DOT1L: variants seen among roughly 807,000 people sequenced by gnomAD.
DOT1L encodes the protein histone-lysine N-methyltransferase, H3 lysine-79 specific.
A neutral mutation model predicts 153.3 loss-of-function variants in DOT1L; 33 were observed. The ratio of observed to expected loss-of-function variants is 0.22; its 90% CI spans 0.16 to 0.29. DOT1L has a LOEUF of 0.29. Ranked by LOEUF, DOT1L falls within the 10% of genes least tolerant of loss-of-function variation. The pLI, the probability that DOT1L is intolerant of heterozygous loss-of-function variation, is 1.00. For synonymous variants in DOT1L, 1,135 were observed against 965.1 expected, an observed-to-expected ratio of 1.18 and a Z score of -3.26; for missense variants, 1,847 against 2,119.9, an observed-to-expected ratio of 0.87 and a Z score of 2.53.
At chr19:2,229,280 C>G in intron 27 of DOT1L, 1 of 985,478 alleles carries the variant, frequency 1.0e-6, no homozygotes, top group Non-Finnish European at 1.2e-6. Flanking sequence ...ACATGGCGTG[C>G]CTGGCGGCGT....
In DOT1L at chr19:2,207,445, G is replaced by A. The variant is rs951618738; in HGVS notation, c.857-129G>A. 1.4e-5 allele frequency: 10 copies of A among 733,310 alleles called. No homozygotes were observed. Among genetic ancestry groups the A allele is most frequent in the South Asian group, 3.7e-5 (2 of 54,606 alleles). 45.4% of individuals were successfully genotyped at this position (733,310 alleles called of 1,614,324 possible). A position where few individuals can be genotyped will look rare whatever the true frequency, so the allele number is the denominator to read the frequency against. On this transcript the variant is annotated intron_variant, in intron 10 of 27. Coordinates refer to ENST00000398665, the MANE Select transcript of DOT1L (RefSeq NM_032482.3). The surrounding 1 kb of genome is among the most constrained non-coding windows in gnomAD (Gnocchi z 4.5). ...CCTCTGTGGGCCACTGTGGCCTGAC[G>A]CAGTGTGGGAGAAGAGGGAAGACGC...
Position 2,170,305 on chromosome 19 carries a change from G to A in DOT1L, c.81+6040G>A, listed in dbSNP as rs75397174. On this transcript the variant is annotated intron_variant, in intron 1 of 27. Coordinates refer to ENST00000398665, the MANE Select transcript of DOT1L (RefSeq NM_032482.3). ...CCTTTCCACGCTTGCCCCTGGTGTGGTTGGGAGGCGTGACTGAAATCCTTG... is the reference window on the plus strand; with the variant it reads ...CCTTTCCACGCTTGCCCCTGGTGTGATTGGGAGGCGTGACTGAAATCCTTG... Among the ~76,000 whole-genome samples the A allele has an allele frequency of 1.0e-3, 159 of 152,294 alleles. 3 individuals carry two copies. In the East Asian group the frequency reaches 0.028, roughly 27 times the overall value.
chr19:2,216,086 C>T (rs2023886342), intron 19 of DOT1L, 195 bp from the exon 20 acceptor site: 2 of 660,606 alleles, frequency 3.0e-6, no homozygotes, highest in South Asian at 2.3e-5. Context: ...AAACCATCCT[C>T]GGCCCTCCAC....
rs2144752667 is a variant in DOT1L, at chr19:2,193,662, G to A, written c.494-27G>A. The A allele has an allele frequency of 6.2e-7, 1 of 1,610,948 alleles. No homozygotes were observed. Among genetic ancestry groups the A allele is most frequent in the Admixed American group, 1.7e-5 (1 of 59,958 alleles). On this transcript the variant is annotated intron_variant, in intron 5 of 27. Transcript: ENST00000398665. This position sits in a 1 kb window ranked among gnomAD's most constrained non-coding sequence, Gnocchi z 5.9. Reference sequence around the variant, plus strand: ...CCGGGTGGCATCTGAGCGCTGTGTGGTATCTGATGGATCTCTCTGATCATA... The same window carrying A: ...CCGGGTGGCATCTGAGCGCTGTGTGATATCTGATGGATCTCTCTGATCATA...
At chr19:2,185,973 C>G in intron 3 of DOT1L, 44 bp downstream of exon 3, 1 of 1,589,078 alleles carries the variant, frequency 6.3e-7, no homozygotes, top group Non-Finnish European at 8.6e-7. Context: ...AGGACAGACT[C>G]GGCTCTTGGG....
chr19:2,210,324 C>T (rs1427702855), intron 12 of DOT1L, 76 bp from the exon 13 acceptor site: 3 of 1,311,946 alleles, frequency 2.3e-6, no homozygotes, highest in Middle Eastern at 2.7e-4. Context: ...TGAGTCTGAG[C>T]TCCGCGTGCC....
At chr19:2,195,222 C>T (rs2022966007) in intron 7 of DOT1L, among the ~76,000 whole-genome samples, 1 of 152,042 alleles carries the variant, frequency 6.6e-6, no homozygotes, top group African/African-American at 2.4e-5. Flanking sequence ...TGGGCCATAG[C>T]TTCCAGGAGT....
At position 2,208,524 on chromosome 19, in the gene DOT1L, C is replaced by T. The variant is rs1260752645; in HGVS notation, c.964-411C>T. On this transcript the variant is annotated intron_variant, in intron 11 of 27. Transcript: ENST00000398665. This position sits in a 1 kb window ranked among gnomAD's most constrained non-coding sequence, Gnocchi z 4.4. ...CTGAGGCTCTGGGGGCTTGGCCTAC[C>T]GTGCGGCCCCCACCTCCACGCAGTG... Among the ~76,000 whole-genome samples the T allele has an allele frequency of 2.0e-5, 3 of 152,158 alleles. No individual in the cohort carries two copies. The highest frequency in any genetic ancestry group is 4.4e-5 in the Non-Finnish European group (3 of 68,024).
chr19:2,228,036 G>T, intron 27 of DOT1L: 1 of 1,302,468 alleles, frequency 7.7e-7, no homozygotes, highest in Non-Finnish European at 1.0e-6. Context: ...AACGCTGCTG[G>T]CCTCTAACCC....
intron 1 of DOT1L, among the ~76,000 whole-genome samples, chr19:2,170,449 G>A (rs2021551913): frequency 6.6e-6 from 1 of 152,174 alleles, no homozygotes; most frequent in African/African-American, 2.4e-5. Context: ...TTCCTCCTGT[G>A]CTCTCCGCAG....
At chr19:2,209,242 T>C (rs1298993130) in intron 12 of DOT1L, among the ~76,000 whole-genome samples, 1 of 151,948 alleles carries the variant, frequency 6.6e-6, no homozygotes. Context: ...TCTCTCTCTC[T>C]CCCCCACCCT....
intron 12 of DOT1L, among the ~76,000 whole-genome samples, chr19:2,209,736 A>G (rs532150079): frequency 5.3e-4 from 81 of 152,364 alleles, no homozygotes; most frequent in African/African-American, 1.9e-3. Flanking sequence ...GGAGGGGGTC[A>G]GACAAGACCA....
chr19:2,211,993 C>T (rs1029066407), intron 16 of DOT1L, 151 bp downstream of exon 16: 6 of 667,718 alleles, frequency 9.0e-6, no homozygotes, highest in East Asian at 2.9e-5. Flanking sequence ...CAAACCTACC[C>T]GTTTAAACCC....
chr19:2,216,457 G>A lies in DOT1L; in HGVS notation c.2100G>A (p.Ser700=), dbSNP rs757778341. Residue 700 remains serine (S), a synonymous_variant, in exon 20 of 28, where the codon TCG becomes TCA. Coordinates refer to ENST00000398665, the MANE Select transcript of DOT1L (RefSeq NM_032482.3). ...LHLELDCTKF[S]LPHLSSMSPE... ...TGGAGCTGGACTGCACCAAGTTCTC[G>A]CTGCCTCACTTGAGCAGCATGAGCC... The A allele has an allele frequency of 8.7e-6, 14 of 1,612,468 alleles. No individual in the cohort carries two copies. In the African/African-American group the frequency reaches 9.3e-5, roughly 11 times the overall value.
rs1599611905 is a variant in DOT1L at position 2,220,879 on chromosome 19, T to G, written c.2806+657T>G. The G allele has an allele frequency of 3.7e-6, 1 of 273,428 alleles. No individual in the cohort carries two copies. Among genetic ancestry groups the G allele is most frequent in the Non-Finnish European group, 7.3e-6 (1 of 137,510 alleles). The allele number at this position is 273,428 out of a possible 1,614,324, so 16.9% of individuals were successfully genotyped here. A position where few individuals can be genotyped will look rare whatever the true frequency, so the allele number is the denominator to read the frequency against. On this transcript the variant is annotated intron_variant, in intron 23 of 27. Transcript: ENST00000398665. This position sits in a 1 kb window ranked among gnomAD's most constrained non-coding sequence, Gnocchi z 4.5. ...GATGCGGCAGCTACTTTTTTAGGAG[T>G]AAAAAGTAAAATGTGGCCGGGCGTG...
At chr19:2,165,215 CGGGGCGCGAGTTTTGG>C (rs1568321065) in intron 1 of DOT1L, among the ~76,000 whole-genome samples, 1 of 152,170 alleles carries the variant, frequency 6.6e-6, no homozygotes, top group African/African-American at 2.4e-5. Flanking sequence ...CGAGCGTGTC[CGGGGCGCGAGTTTTGG>C]GGGGCGCGTC....
At chr19:2,178,716 C>G (rs1026713068) in intron 1 of DOT1L, among the ~76,000 whole-genome samples, 2 of 151,716 alleles carry the variant, frequency 1.3e-5, no homozygotes, top group East Asian at 3.9e-4. Flanking sequence ...CTACCGCGCC[C>G]GGCCACGCCC....
intron 2 of DOT1L, among the ~76,000 whole-genome samples, chr19:2,181,884 G>T (rs2022257231): frequency 6.6e-6 from 1 of 152,202 alleles, no homozygotes; most frequent in Non-Finnish European, 1.5e-5. Flanking sequence ...CTCTGCTGGC[G>T]TGGGCCTCTG....
intron 2 of DOT1L, 81 bp from the exon 3 acceptor site, chr19:2,185,774 A>G (rs2022472578): frequency 2.8e-6 from 4 of 1,445,528 alleles, no homozygotes. Context: ...GTCTCAAAAC[A>G]AAAACAAAAA....
Sources: gnomAD v4.1 joint callset for allele counts (sites outside exome capture counted in the v4.1 genomes callset) on GRCh38, gnomAD v4.1.1 for gene constraint, Gnocchi (gnomAD v3.1) non-coding constraint, MANE v1.5 for transcripts, NCBI Gene and HGNC (gene_info 2026-07-23, HGNC 2026-07-21) for gene names.